MBD5: variants seen among roughly 807,000 people sequenced by gnomAD.
MBD5 encodes methyl-CpG-binding domain protein 5.
In MBD5, 13 loss-of-function variants were observed where a neutral mutation model predicts 117.3. The observed-to-expected ratio is 0.11, with a 90% CI of 0.07 to 0.18. The LOEUF is 0.18. MBD5 is among the 10% of genes least tolerant of loss of function. The pLI is 1.00. For missense variants in MBD5, 1,879 were observed against 2,093.8 expected (o/e 0.90, Z 2.00); for synonymous variants, 727 against 766.4 (o/e 0.95, Z 0.85).
intron 1 of MBD5, among the ~76,000 whole-genome samples, chr2:148,080,678 T>C (rs1304005153): frequency 1.3e-5 from 2 of 152,144 alleles, no homozygotes; most frequent in South Asian, 2.1e-4. Context: ...GATTTGTGAA[T>C]CTACTAAATT....
At chr2:148,342,588 A>T (rs1453267305) in intron 4 of MBD5, among the ~76,000 whole-genome samples, 1 of 151,936 alleles carries the variant, frequency 6.6e-6, no homozygotes, top group African/African-American at 2.4e-5. Flanking sequence ...TCAGGTAACT[A>T]TTCTTCATAT....
intron 4 of MBD5, chr2:148,346,131 C>G (rs1326201965): frequency 6.6e-6 from 1 of 151,784 alleles, no homozygotes; most frequent in East Asian, 1.9e-4. Flanking sequence ...AGTCTCTGTA[C>G]TTTCCACTCC....
intron 4 of MBD5, among the ~76,000 whole-genome samples, chr2:148,377,228 A>T (rs961409049): frequency 2.6e-5 from 4 of 152,108 alleles, no homozygotes; most frequent in Admixed American, 2.6e-4. Flanking sequence ...CGGGAAAAGG[A>T]TGTAGGCTGG....
chr2:148,074,183 T>C (rs1223964286), intron 1 of MBD5, among the ~76,000 whole-genome samples: 1 of 152,206 alleles, frequency 6.6e-6, no homozygotes, highest in African/African-American at 2.4e-5. Context: ...TTGACTTCTA[T>C]GAAGCAGCAA....
intron 1 of MBD5, among the ~76,000 whole-genome samples, chr2:148,099,923 G>A (rs1037443095): frequency 6.6e-6 from 1 of 152,116 alleles, no homozygotes; most frequent in Non-Finnish European, 1.5e-5. Context: ...TGATCATCTA[G>A]CATTATTTGA....
chr2:148,195,683 G>A (rs1011021639), intron 2 of MBD5, among the ~76,000 whole-genome samples: 3 of 152,066 alleles, frequency 2.0e-5, no homozygotes, highest in African/African-American at 7.2e-5. Flanking sequence ...AAAGATTGAA[G>A]TCATCCAGAG....
intron 2 of MBD5, among the ~76,000 whole-genome samples, chr2:148,189,354 C>T (rs1402029764): frequency 6.6e-6 from 1 of 151,346 alleles, no homozygotes; most frequent in African/African-American, 2.5e-5. Flanking sequence ...TTAAGTGTCC[C>T]TGTCTGACAG....
chr2:148,361,454 T>G (rs1316265994), intron 4 of MBD5, among the ~76,000 whole-genome samples: 1 of 152,180 alleles, frequency 6.6e-6, no homozygotes, highest in East Asian at 1.9e-4. Context: ...CCTGTTTTAT[T>G]AGTATTTCCA....
At chr2:148,238,538 CAG>C (rs1282743458) in intron 3 of MBD5, among the ~76,000 whole-genome samples, 2 of 152,076 alleles carry the variant, frequency 1.3e-5, no homozygotes, top group African/African-American at 2.4e-5. Flanking sequence ...TAAAAAGAAA[CAG>C]ATAATTTTGT....
intron 2 of MBD5, among the ~76,000 whole-genome samples, chr2:148,223,172 A>G (rs1699734206): frequency 6.6e-6 from 1 of 151,998 alleles, no homozygotes. Flanking sequence ...GTTTGCTAGT[A>G]TTTTGTTGAG....
At chr2:148,420,734 GTTT>G (rs1705577245) in intron 4 of MBD5, among the ~76,000 whole-genome samples, 4 of 150,734 alleles carry the variant, frequency 2.7e-5, no homozygotes, top group African/African-American at 7.4e-5. Flanking sequence ...GTTTTGTTTT[GTTT>G]TGTTTTGTGA....
rs1209275790 is a variant in MBD5 at position 148,336,508 on chromosome 2, TCCCTTGTA to T, written c.-679-5705_-679-5698del. Among the ~76,000 whole-genome samples the T allele has an allele frequency of 3.3e-5, 5 of 152,222 alleles. No homozygotes were observed. The East Asian group carries it at 9.7e-4, about 29-fold the overall frequency. ...CTCAAACCATCCTTCCATGTCAGCCTCCCTTGTAGCTGGGACTACCAGCATGCACCACC... is the reference window on the plus strand; with the variant it reads ...CTCAAACCATCCTTCCATGTCAGCCTGCTGGGACTACCAGCATGCACCACC... On this transcript the variant is annotated intron_variant, in intron 3 of 13. Coordinates refer to ENST00000642680, the MANE Select transcript of MBD5 (RefSeq NM_001378120.1).
At chr2:148,250,421 G>T (rs542207871) in intron 3 of MBD5, among the ~76,000 whole-genome samples, 31 of 152,234 alleles carry the variant, frequency 2.0e-4, no homozygotes, top group Non-Finnish European at 4.1e-4. Flanking sequence ...TAACAAACCT[G>T]CACATGGACC....
At chr2:148,310,072 T>C (rs1701992657) in intron 3 of MBD5, among the ~76,000 whole-genome samples, 1 of 152,232 alleles carries the variant, frequency 6.6e-6, no homozygotes, top group South Asian at 2.1e-4. Flanking sequence ...GATTTTTGCA[T>C]TGATGTTCAT....
chr2:148,074,540 G>A (rs192723493), intron 1 of MBD5, among the ~76,000 whole-genome samples: 61 of 124,324 alleles, frequency 4.9e-4, no homozygotes, highest in Middle Eastern at 5.7e-3. Flanking sequence ...TTGCTCTGTC[G>A]CCCAGGCTGG....
chr2:148,374,090 G>A (rs1013219133), intron 4 of MBD5, among the ~76,000 whole-genome samples: 1 of 151,888 alleles, frequency 6.6e-6, no homozygotes, highest in Non-Finnish European at 1.5e-5. Context: ...CAAGCATTTC[G>A]GATAAGGGGT....
chr2:148,078,635 G>A (rs1695566606), intron 1 of MBD5, among the ~76,000 whole-genome samples: 2 of 152,188 alleles, frequency 1.3e-5, no homozygotes, highest in African/African-American at 4.8e-5. Flanking sequence ...AAGGTCGTAT[G>A]ACTGACTGCT....
chr2:148,286,506 C>A (rs1467036116), intron 3 of MBD5, among the ~76,000 whole-genome samples: 2 of 152,146 alleles, frequency 1.3e-5, no homozygotes, highest in African/African-American at 4.8e-5. Context: ...TCACCCTACT[C>A]CCAACACTCT....
intron 2 of MBD5, among the ~76,000 whole-genome samples, chr2:148,185,216 C>T (rs1698625686): frequency 6.6e-6 from 1 of 152,200 alleles, no homozygotes; most frequent in African/African-American, 2.4e-5. Flanking sequence ...AGATCCAAGG[C>T]CCAAGCCACC....
Sources: allele counts gnomAD v4.1 joint callset (sites outside exome capture counted in the v4.1 genomes callset), GRCh38; gene constraint gnomAD v4.1.1; transcripts MANE v1.5; gene names NCBI Gene and HGNC (gene_info 2026-07-23, HGNC 2026-07-21).